Variants in THOC2 observed in about 807,000 individuals in gnomAD.
The protein encoded by THOC2 is THO complex 2.
In THOC2, 10 loss-of-function variants were observed where a neutral mutation model predicts 128.4. That is an observed-to-expected ratio of 0.08 (90% CI 0.05 to 0.13). The LOEUF is 0.13. Among genes scored for constraint, THOC2 ranks in the 10% least tolerant of loss-of-function variants. The pLI is 1.00. For missense variants in THOC2, 535 were observed against 1,155.7 expected (o/e 0.46, Z 7.79); for synonymous variants, 393 against 396.9 (o/e 0.99, Z 0.12).
At chrX:123,679,081 T>C (rs1343823631) in intron 8 of THOC2, among the ~76,000 whole-genome samples, 2 of 111,217 alleles carry the variant, frequency 1.8e-5, no homozygotes, top group Non-Finnish European at 3.8e-5. Flanking sequence ...CACTCAGTCA[T>C]ACCCATCAGA....
intron 12 of THOC2, among the ~76,000 whole-genome samples, chrX:123,664,080 CAT>C (rs2048956494): frequency 8.9e-6 from 1 of 112,129 alleles, no homozygotes; most frequent in Non-Finnish European, 1.9e-5. Context: ...AGTAAACAAA[CAT>C]GTGCATGTGT....
intron 8 of THOC2, among the ~76,000 whole-genome samples, chrX:123,682,635 T>C (rs746620881): frequency 6.2e-5 from 7 of 112,154 alleles, no homozygotes; most frequent in Non-Finnish European, 1.3e-4. Context: ...CTACCACTCC[T>C]GATCTTATCT....
rs1445926291 is a variant in THOC2, at chrX:123,624,162, G to C, written c.3216C>G (p.Thr1072=). Residue 1072 remains threonine (T), a synonymous_variant, in exon 27 of 39, where the codon ACC becomes ACG. Transcript: ENST00000245838. ...CATCAAATCCAGTTGCCCGTAATAT[G>C]GTAAGGAATCCTGGATAGTTTCCAC... is the stretch of plus-strand genomic sequence containing the variant. ...KECGNYPGFL[T]ILRATGFDGG... is the part of the protein sequence containing the mutation. The C allele has an allele frequency of 1.7e-6, 2 of 1,194,924 alleles. No homozygotes were observed. Among genetic ancestry groups the C allele is most frequent in the Non-Finnish European group, 2.3e-6 (2 of 888,873 alleles).
intron 30 of THOC2, among the ~76,000 whole-genome samples, chrX:123,621,845 C>A (rs756418960): frequency 2.7e-5 from 3 of 110,877 alleles, no homozygotes; most frequent in East Asian, 5.7e-4. Flanking sequence ...GAGTTCGAGA[C>A]CAGCCTGGTC....
At chrX:123,677,865 C>G (rs1389618990) in intron 8 of THOC2, among the ~76,000 whole-genome samples, 1 of 103,409 alleles carries the variant, frequency 9.7e-6, no homozygotes, top group Non-Finnish European at 2.0e-5. Context: ...GAACAAAACT[C>G]CGTCGCAAAA....
chrX:123,609,530 T>C (rs951759451), intron 38 of THOC2, among the ~76,000 whole-genome samples: 2 of 111,819 alleles, frequency 1.8e-5, no homozygotes, highest in Non-Finnish European at 3.8e-5. Context: ...CTCAGACATT[T>C]CTCACTTGTA....
Position 123,649,794 on chromosome X carries a change from T to C in THOC2, c.1387-4419A>G, listed in dbSNP as rs768844563. On this transcript the variant is annotated intron_variant, in intron 12 of 38. Transcript: ENST00000245838. ...AGGAACAAACAAAGCTTCCAAGAAATATGGGACTATGTGAAAAGACCAAAC... is the reference window on the plus strand; with the variant it reads ...AGGAACAAACAAAGCTTCCAAGAAACATGGGACTATGTGAAAAGACCAAAC... Among the ~76,000 whole-genome samples, 10 of 110,796 alleles carry C rather than the reference T, an allele frequency of 9.0e-5. No homozygotes were observed. The South Asian group carries it at 3.9e-3, about 43-fold the overall frequency.
At chrX:123,709,312 C>G (rs1010432668) in intron 2 of THOC2, among the ~76,000 whole-genome samples, 1 of 111,651 alleles carries the variant, frequency 9.0e-6, no homozygotes, top group African/African-American at 3.3e-5. Flanking sequence ...CCACTAGAGG[C>G]CGGGCGCGGT....
At chrX:123,703,346 T>C (rs1351892092) in intron 4 of THOC2, 108 bp downstream of exon 4, 15 of 495,524 alleles carry the variant, frequency 3.0e-5, no homozygotes, top group Non-Finnish European at 5.0e-5. Context: ...AATTTGCTTC[T>C]AGACTTGCAG....
At chrX:123,678,352 A>T (rs1603297227) in intron 8 of THOC2, among the ~76,000 whole-genome samples, 1 of 101,552 alleles carries the variant, frequency 9.8e-6, no homozygotes, top group Non-Finnish European at 2.0e-5. Flanking sequence ...TGCAATCTCC[A>T]CCTCTCGCGT....
At chrX:123,607,690 T>G (rs2046529052) in intron 38 of THOC2, among the ~76,000 whole-genome samples, 2 of 109,495 alleles carry the variant, frequency 1.8e-5, no homozygotes. Context: ...CTACCAACCC[T>G]CCTTAAAAAA....
At position 123,728,585 on chromosome X, in the gene THOC2, T is replaced by C. The variant is rs183214409; in HGVS notation, c.71+4367A>G. Among the ~76,000 whole-genome samples, 222 of 111,437 alleles carry C rather than the reference T, an allele frequency of 2.0e-3. 3 individuals carry two copies. The highest frequency in any genetic ancestry group is 4.6e-3 in the Middle Eastern group (1 of 218). On this transcript the variant is annotated intron_variant, in intron 1 of 38. Coordinates refer to ENST00000245838, the MANE Select transcript of THOC2 (RefSeq NM_001081550.2). ...GGAAAAAAGACTCAACCACCAAGACTAAAATTTCTTAGAATGATTATATCC... is the reference window on the plus strand; with the variant it reads ...GGAAAAAAGACTCAACCACCAAGACCAAAATTTCTTAGAATGATTATATCC...
At chrX:123,629,121 A>G (rs1291463099) in intron 22 of THOC2, among the ~76,000 whole-genome samples, 1 of 107,631 alleles carries the variant, frequency 9.3e-6, no homozygotes, top group Non-Finnish European at 1.9e-5. Flanking sequence ...ATACATATAT[A>G]TACACACACA....
At position 123,667,138 on chromosome X, in the gene THOC2, G is replaced by C; in HGVS notation, c.1158C>G (p.Leu386=). The C allele has an allele frequency of 3.3e-6, 4 of 1,199,718 alleles. No individual in the cohort carries two copies. The highest frequency in any genetic ancestry group is 4.5e-6 in the Non-Finnish European group (4 of 890,472). Residue 386 remains leucine, a synonymous_variant, in exon 11 of 39, where the codon CTC becomes CTG. Coordinates refer to ENST00000245838, the MANE Select transcript of THOC2 (RefSeq NM_001081550.2). ...HKLIALAICK[L]IHITIEPLYR... is the part of the protein sequence containing the mutation. ...AGAGAGGCTCAATAGTTATATGAAT[G>C]AGCTTGCAAATAGCAAGGGCTATTA... is the stretch of plus-strand genomic sequence containing the variant.
intron 38 of THOC2, among the ~76,000 whole-genome samples, chrX:123,604,257 C>A (rs1177200343): frequency 8.9e-6 from 1 of 111,831 alleles, no homozygotes; most frequent in Non-Finnish European, 1.9e-5. Context: ...ATATCACATA[C>A]CACATTTGTA....
At chrX:123,693,843 G>A (rs2050331766) in intron 7 of THOC2, among the ~76,000 whole-genome samples, 1 of 111,052 alleles carries the variant, frequency 9.0e-6, no homozygotes, top group Admixed American at 9.6e-5. Flanking sequence ...TCACTAAGAA[G>A]GTGACATTTG....
At chrX:123,639,154 T>C (rs187321212) in intron 16 of THOC2, 127 bp from the exon 17 acceptor site, 254 of 307,476 alleles carry the variant, frequency 8.3e-4, no homozygotes, top group African/African-American at 5.5e-3. Flanking sequence ...TGGTTTCCTA[T>C]ATAAATATTT....
In THOC2 at chrX:123,645,700, G is replaced by A. The variant is rs145511042; in HGVS notation, c.1387-325C>T. ...GCAAGGGCTGGGCGCGGTGCCTCAC[G>A]CCTGTAATCCCAGCACTTTGGGAGG... On this transcript the variant is annotated intron_variant, in intron 12 of 38. Transcript: ENST00000245838. 8.9e-3 allele frequency among the ~76,000 whole-genome samples: 998 copies of A among 112,613 alleles called. 11 individuals are homozygous for A. The highest frequency in any genetic ancestry group is 0.03 in the African/African-American group (922 of 31,072).
chrX:123,669,974 C>G lies in THOC2; in HGVS notation c.862-1660G>C, dbSNP rs967970364. Among the ~76,000 whole-genome samples, 4 of 112,301 alleles carry G rather than the reference C, an allele frequency of 3.6e-5. No homozygotes were observed. In the Admixed American group the frequency reaches 3.8e-4, roughly 11 times the overall value. ...TGTCATATTAACAGGACCACTCAGT[C>G]TGCTTACATTTACTGCTAAATGCAA... On this transcript the variant is annotated intron_variant, in intron 9 of 38. Coordinates refer to ENST00000245838, the MANE Select transcript of THOC2 (RefSeq NM_001081550.2).
Sources: gnomAD v4.1 joint callset for allele counts (sites outside exome capture counted in the v4.1 genomes callset) on GRCh38, gnomAD v4.1.1 for gene constraint, MANE v1.5 for transcripts, NCBI Gene and HGNC (gene_info 2026-07-23, HGNC 2026-07-21) for gene names.